GPC5: variants seen among roughly 807,000 people sequenced by gnomAD.
GPC5 encodes glypican 5, also known as glypican-5.
Under a neutral mutation model 53.9 loss-of-function variants are expected in GPC5, and 47 were observed. The observed-to-expected ratio is 0.87, with a 90% CI of 0.69 to 1.11. The LOEUF (loss-of-function observed/expected upper bound fraction) is 1.11. Ranked by LOEUF, GPC5 falls within the 50% of genes most tolerant of loss-of-function variation. The pLI is 0.00. For synonymous variants in GPC5, 286 were observed against 263.3 expected (o/e 1.09, Z -0.84); for missense variants, 748 against 713.1 (o/e 1.05, Z -0.56).
In GPC5 at chr13:92,296,697, C is replaced by T. The variant is rs567142205; in HGVS notation, c.1561+151708C>T. ...CGCGAGCGGGAACCGGGGCTGCGTG[C>T]GGCGCTTGCGGGCCAGCTGGAGTTC... is the stretch of plus-strand genomic sequence containing the variant. On this transcript the variant is annotated intron_variant, in intron 7 of 7. Coordinates refer to ENST00000377067, the MANE Select transcript of GPC5 (RefSeq NM_004466.6). 4.6e-5 allele frequency among the ~76,000 whole-genome samples: 7 copies of T among 152,272 alleles called. No individual in the cohort carries two copies. The South Asian group carries it at 8.3e-4, about 18-fold the overall frequency.
chr13:92,174,575 AAAC>A (rs1407724358), intron 7 of GPC5, among the ~76,000 whole-genome samples: 3 of 151,718 alleles, frequency 2.0e-5, no homozygotes. Context: ...ACAACAAAAA[AAAC>A]AAAATTTAAA....
chr13:91,816,005 T>C (rs1594589326), intron 5 of GPC5, among the ~76,000 whole-genome samples: 1 of 152,166 alleles, frequency 6.6e-6, no homozygotes, highest in Admixed American at 6.5e-5. Context: ...TAACATATTG[T>C]TCCATTCCCT....
At chr13:92,444,463 A>G (rs1202814351) in intron 7 of GPC5, among the ~76,000 whole-genome samples, 1 of 152,180 alleles carries the variant, frequency 6.6e-6, no homozygotes, top group Non-Finnish European at 1.5e-5. Flanking sequence ...TGCTGGAATG[A>G]TTGATGTTTC....
chr13:91,744,703 A>G (rs1230718970), intron 4 of GPC5, among the ~76,000 whole-genome samples: 1 of 152,152 alleles, frequency 6.6e-6, no homozygotes, highest in Non-Finnish European at 1.5e-5. Context: ...AGAGAGGTTA[A>G]TAATATCTAG....
chr13:91,575,282 A>G (rs961721430), intron 2 of GPC5, among the ~76,000 whole-genome samples: 8 of 152,174 alleles, frequency 5.3e-5, no homozygotes, highest in Non-Finnish European at 1.0e-4. Flanking sequence ...ATTATAGTAT[A>G]AAATGGTCAA....
chr13:91,416,635 T>C (rs1010636327), intron 1 of GPC5, among the ~76,000 whole-genome samples: 1 of 151,100 alleles, frequency 6.6e-6, no homozygotes, highest in East Asian at 2.0e-4. Context: ...CAGGCCCTGG[T>C]GTGTGATGTT....
At chr13:91,452,368 G>T (rs1169511476) in intron 2 of GPC5, among the ~76,000 whole-genome samples, 1 of 152,066 alleles carries the variant, frequency 6.6e-6, no homozygotes, top group Non-Finnish European at 1.5e-5. Flanking sequence ...GTATTTTATA[G>T]GGCAGAAAAA....
chr13:91,664,101 A>G (rs1594398245), intron 2 of GPC5, among the ~76,000 whole-genome samples: 4 of 152,230 alleles, frequency 2.6e-5, no homozygotes, highest in Admixed American at 2.6e-4. Flanking sequence ...AAGGAATTGG[A>G]TGTCTTGATA....
intron 6 of GPC5, among the ~76,000 whole-genome samples, chr13:92,082,046 A>G (rs2041300003): frequency 6.6e-6 from 1 of 152,212 alleles, no homozygotes; most frequent in African/African-American, 2.4e-5. Flanking sequence ...GGTAGTAATT[A>G]TAGTGTTAAG....
rs113766711 is a variant in GPC5, at chr13:91,577,769, T to G, written c.326-115418T>G. Reference sequence around the variant, plus strand: ...TAAGGTTGGAAATACAGCTCTAAAATGGGCATTCCTTGTCTTTTTCATAGT... The same window carrying G: ...TAAGGTTGGAAATACAGCTCTAAAAGGGGCATTCCTTGTCTTTTTCATAGT... On this transcript the variant is annotated intron_variant, in intron 2 of 7. Transcript: ENST00000377067. 7.9e-5 allele frequency among the ~76,000 whole-genome samples: 12 copies of G among 152,312 alleles called. 1 individual carries two copies. Among genetic ancestry groups the G allele is most frequent in the African/African-American group, 2.9e-4 (12 of 41,586 alleles).
intron 7 of GPC5, among the ~76,000 whole-genome samples, chr13:92,534,940 C>T (rs1229497972): frequency 3.9e-5 from 6 of 152,150 alleles, no homozygotes; most frequent in Non-Finnish European, 7.3e-5. Flanking sequence ...GTACTTCCAA[C>T]GATACCTATG....
chr13:92,494,673 T>C (rs562912647), intron 7 of GPC5, among the ~76,000 whole-genome samples: 1 of 152,330 alleles, frequency 6.6e-6, no homozygotes, highest in Non-Finnish European at 1.5e-5. Context: ...TATTTTTAAA[T>C]TATTTTTAAT....
At chr13:91,938,232 G>T (rs1359348781) in intron 6 of GPC5, among the ~76,000 whole-genome samples, 2 of 152,048 alleles carry the variant, frequency 1.3e-5, no homozygotes, top group Non-Finnish European at 2.9e-5. Flanking sequence ...TGCTGGTAAA[G>T]CCTTAGGGAG....
At position 92,147,824 on chromosome 13, in the gene GPC5, C is replaced by T. The variant is rs73620815; in HGVS notation, c.1561+2835C>T. Among the ~76,000 whole-genome samples, 1,464 of 152,104 alleles carry T rather than the reference C, an allele frequency of 9.6e-3. 33 individuals are homozygous for T. The highest frequency in any genetic ancestry group is 0.033 in the African/African-American group (1,371 of 41,500). On this transcript the variant is annotated intron_variant, in intron 7 of 7. Transcript: ENST00000377067. ...TGGTTAGAAAACCACTGCGGGATAG[C>T]ATGCTGAAGTAAAGAGGGACGAGGA...
chr13:92,153,261 T>A (rs1390779245), intron 7 of GPC5, among the ~76,000 whole-genome samples: 1 of 152,266 alleles, frequency 6.6e-6, no homozygotes, highest in East Asian at 1.9e-4. Context: ...CCAGAGTAGC[T>A]AGGATTACAG....
intron 6 of GPC5, among the ~76,000 whole-genome samples, chr13:91,961,568 G>T (rs575752431): frequency 6.6e-6 from 1 of 152,022 alleles, no homozygotes; most frequent in Admixed American, 6.6e-5. Flanking sequence ...TGTAACAAAG[G>T]AATGTTTGCA....
chr13:91,776,459 C>T (rs560487825), intron 5 of GPC5, among the ~76,000 whole-genome samples: 6 of 152,330 alleles, frequency 3.9e-5, no homozygotes, highest in Admixed American at 2.0e-4. Context: ...TTACTACTTA[C>T]TTGAAGACTG....
chr13:92,035,769 A>C (rs1194950903), intron 6 of GPC5, among the ~76,000 whole-genome samples: 3 of 138,478 alleles, frequency 2.2e-5, no homozygotes, highest in East Asian at 2.1e-4. Context: ...AAAAAAAAAC[A>C]AAAAAAACAA....
chr13:92,726,492 A>T (rs2139293817), intron 7 of GPC5, among the ~76,000 whole-genome samples: 1 of 151,678 alleles, frequency 6.6e-6, no homozygotes, highest in Non-Finnish European at 1.5e-5. Flanking sequence ...TCCTGAGTTA[A>T]GTGATTCTGC....
Sources: allele counts gnomAD v4.1 joint callset (sites outside exome capture counted in the v4.1 genomes callset), GRCh38; gene constraint gnomAD v4.1.1; transcripts MANE v1.5; gene names NCBI Gene and HGNC (gene_info 2026-07-23, HGNC 2026-07-21).